LSG1: variants seen among roughly 807,000 people sequenced by gnomAD.
LSG1 encodes the protein large 60S subunit nuclear export GTPase 1, also known as large subunit GTPase 1 homolog.
Under a neutral mutation model 82.6 loss-of-function variants are expected in LSG1, and 55 were observed. The ratio of observed to expected loss-of-function variants is 0.67; its 90% CI spans 0.54 to 0.83. The LOEUF (loss-of-function observed/expected upper bound fraction) is 0.83, where lower values mean the gene tolerates loss of function less well. Ranked by LOEUF, LSG1 falls within the 40% of genes least tolerant of loss-of-function variation. The probability of loss-of-function intolerance (pLI) is 0.00; values close to 1 mark genes in which losing one functional copy is unlikely to be tolerated. For missense variants in LSG1, 809 were observed against 807.9 expected (o/e 1.00, Z -0.02); for synonymous variants, 272 against 282.5 (o/e 0.96, Z 0.37).
In LSG1 at chr3:194,652,753, T is replaced by C; in HGVS notation, c.1149A>G (p.Lys383=). The change falls in exon 8 of 14, where the codon AAA becomes AAG. Residue 383 remains lysine, a synonymous_variant. Transcript: ENST00000265245. ...FKELHTGRKV[K]DGQLTVGLVG... is the part of the protein sequence containing the mutation. The stretch of plus-strand genomic sequence containing the variant: ...CCAGTCCGACCGTAAGTTGCCCATC[T>C]TTCACCTTTCTCCCAGTGTGTAGCT... 2 of 1,613,684 alleles carry C rather than the reference T, an allele frequency of 1.2e-6. No homozygotes were observed. The highest frequency in any genetic ancestry group is 1.3e-5 in the African/African-American group (1 of 75,024).
rs780642202 is a variant in LSG1 at position 194,672,053 on chromosome 3, G to T, written c.99+11C>A. The T allele has an allele frequency of 2.1e-5, 34 of 1,607,884 alleles. No individual in the cohort carries two copies. In the Admixed American group the frequency reaches 5.7e-4, roughly 27 times the overall value. Reference sequence around the variant, plus strand: ...CAGAAAAGATAAGAAAGATGACATGGTCTGTCTTACCCAGGAGTCAGTGTG... The same window carrying T: ...CAGAAAAGATAAGAAAGATGACATGTTCTGTCTTACCCAGGAGTCAGTGTG... On this transcript the variant is annotated intron_variant, in intron 1 of 13. Coordinates refer to ENST00000265245, the MANE Select transcript of LSG1 (RefSeq NM_018385.3).
chr3:194,653,169 A>C, intron 7 of LSG1, 27 bp from the exon 8 acceptor site: 1 of 1,593,614 alleles, frequency 6.3e-7, no homozygotes, highest in Non-Finnish European at 8.6e-7. Flanking sequence ...AACGCTCAGA[A>C]GTATATAACT....
intron 5 of LSG1, among the ~76,000 whole-genome samples, chr3:194,663,111 G>A (rs1718966606): frequency 6.6e-6 from 1 of 152,248 alleles, no homozygotes; most frequent in Admixed American, 6.5e-5. Flanking sequence ...TAAGTGTGAA[G>A]ATGGAGGGTG....
At chr3:194,651,448 T>C (rs542844608) in intron 8 of LSG1, 18 of 521,566 alleles carry the variant, frequency 3.5e-5, no homozygotes, top group African/African-American at 2.3e-4. Flanking sequence ...TAATATTATA[T>C]GTTTTGCTGT....
intron 12 of LSG1, chr3:194,644,991 G>A (rs770860711): frequency 1.9e-4 from 67 of 351,098 alleles, no homozygotes; most frequent in Non-Finnish European, 2.9e-4. Flanking sequence ...TTCTTTTCTC[G>A]TTTGCATTCC....
At chr3:194,669,042 G>A (rs1719088578) in intron 2 of LSG1, among the ~76,000 whole-genome samples, 1 of 152,182 alleles carries the variant, frequency 6.6e-6, no homozygotes, top group African/African-American at 2.4e-5. Flanking sequence ...ATTAGGGAGT[G>A]GGGCAAATAG....
chr3:194,646,356 A>C (rs1189542627), intron 11 of LSG1, 113 bp from the exon 12 acceptor site: 12 of 712,344 alleles, frequency 1.7e-5, no homozygotes, highest in Non-Finnish European at 2.7e-5. Flanking sequence ...ATTTTAAAAA[A>C]TTAGGTATCA....
intron 5 of LSG1, among the ~76,000 whole-genome samples, chr3:194,661,095 G>A (rs1362069822): frequency 6.6e-6 from 1 of 152,168 alleles, no homozygotes; most frequent in Non-Finnish European, 1.5e-5. Flanking sequence ...AAATTCCAAG[G>A]AATTAAGGTT....
chr3:194,661,503 C>T (rs114997105), intron 5 of LSG1, among the ~76,000 whole-genome samples: 1,568 of 152,306 alleles, frequency 0.01, 9 homozygotes, highest in African/African-American at 0.012. Context: ...CAGGAGGGGT[C>T]TACACAGCAC....
At chr3:194,669,143 T>A (rs973445954) in intron 2 of LSG1, among the ~76,000 whole-genome samples, 1 of 152,190 alleles carries the variant, frequency 6.6e-6, no homozygotes, top group South Asian at 2.1e-4. Context: ...TAGTTAATAA[T>A]AACACATTTA....
intron 3 of LSG1, 41 bp downstream of exon 3, chr3:194,666,411 C>T: frequency 6.2e-7 from 1 of 1,608,694 alleles, no homozygotes; most frequent in Non-Finnish European, 8.5e-7. Flanking sequence ...ACTCAGCAGC[C>T]TCGGATGTTT....
intron 11 of LSG1, among the ~76,000 whole-genome samples, chr3:194,646,602 C>A (rs1349416552): frequency 1.3e-5 from 2 of 152,180 alleles, no homozygotes; most frequent in African/African-American, 4.8e-5. Context: ...CTCACTGCAA[C>A]CTCCACCTCC....
At chr3:194,646,331 C>T in intron 11 of LSG1, 88 bp from the exon 12 acceptor site, 1 of 932,102 alleles carries the variant, frequency 1.1e-6, no homozygotes, top group Non-Finnish European at 1.7e-6. Context: ...TATTACTAAG[C>T]ATTCTTACTC....
intron 6 of LSG1, 99 bp downstream of exon 6, chr3:194,659,974 G>T: frequency 9.6e-7 from 1 of 1,046,144 alleles, no homozygotes; most frequent in Non-Finnish European, 1.5e-6. Context: ...AACGAAGCCA[G>T]AGAGGGCAGA....
chr3:194,656,486 A>C (rs1048162424), intron 7 of LSG1, among the ~76,000 whole-genome samples: 246 of 152,132 alleles, frequency 1.6e-3, no homozygotes, highest in African/African-American at 5.5e-3. Flanking sequence ...ATCATTAAAA[A>C]GTCAGGAAAC....
chr3:194,667,975 A>G (rs989013579), intron 2 of LSG1, among the ~76,000 whole-genome samples: 9 of 142,980 alleles, frequency 6.3e-5, no homozygotes, highest in African/African-American at 2.3e-4. Flanking sequence ...ATATAGCTTT[A>G]CTACAATATG....
intron 5 of LSG1, among the ~76,000 whole-genome samples, chr3:194,664,804 C>T (rs1472808281): frequency 6.6e-6 from 1 of 151,952 alleles, no homozygotes; most frequent in Non-Finnish European, 1.5e-5. Flanking sequence ...CCTGTAATCT[C>T]AGCCACTTGG....
intron 2 of LSG1, among the ~76,000 whole-genome samples, chr3:194,668,458 T>C (rs1458515306): frequency 1.3e-5 from 2 of 152,196 alleles, no homozygotes; most frequent in Non-Finnish European, 2.9e-5. Flanking sequence ...TCTTTTATTT[T>C]AGCTATCCTA....
chr3:194,648,602 A>G, intron 11 of LSG1, 79 bp downstream of exon 11: 1 of 1,405,122 alleles, frequency 7.1e-7, no homozygotes, highest in Non-Finnish European at 9.9e-7. Flanking sequence ...CAGCAATTCT[A>G]GTACTATTAC....
Sources: gnomAD v4.1 joint callset for allele counts (sites outside exome capture counted in the v4.1 genomes callset) on GRCh38, gnomAD v4.1.1 for gene constraint, MANE v1.5 for transcripts, NCBI Gene and HGNC (gene_info 2026-07-23, HGNC 2026-07-21) for gene names.